FGF14: variants seen among roughly 807,000 people sequenced by gnomAD.
FGF14 encodes the protein fibroblast growth factor homologous factor 4.
In FGF14, 5 loss-of-function variants were observed where a neutral mutation model predicts 25.5. The observed-to-expected ratio is 0.20, with a 90% CI of 0.10 to 0.41. The LOEUF is 0.41. Among genes scored for constraint, FGF14 ranks in the 10% least tolerant of loss-of-function variants. The pLI is 1.00. For synonymous variants in FGF14, 138 were observed against 118.3 expected (o/e 1.17, Z -1.08); for missense variants, 222 against 320.1 (o/e 0.69, Z 2.34).
At chr13:101,766,759 A>G (rs12865549) in intron 3 of FGF14, among the ~76,000 whole-genome samples, 2 of 152,120 alleles carry the variant, frequency 1.3e-5, no homozygotes, top group Non-Finnish European at 2.9e-5. Context: ...TGGCATCCAT[A>G]TAAAAAGAGG....
intron 1 of FGF14, among the ~76,000 whole-genome samples, chr13:102,107,945 T>C (rs1168704069): frequency 6.6e-6 from 1 of 152,214 alleles, no homozygotes; most frequent in Non-Finnish European, 1.5e-5. Context: ...TTTAATCTCA[T>C]TTGGAAATTC....
chr13:102,344,926 G>A (rs933059709), intron 1 of FGF14, among the ~76,000 whole-genome samples: 2 of 152,206 alleles, frequency 1.3e-5, no homozygotes, highest in Non-Finnish European at 2.9e-5. Context: ...GAGAAGCTGT[G>A]GGAAACCACG....
chr13:101,814,467 A>C (rs982678336), intron 3 of FGF14, among the ~76,000 whole-genome samples: 4 of 152,238 alleles, frequency 2.6e-5, no homozygotes, highest in Non-Finnish European at 5.9e-5. Context: ...TAAGGGTAAA[A>C]TTCAATGAGT....
At chr13:102,110,284 CA>C (rs1232662183) in intron 1 of FGF14, among the ~76,000 whole-genome samples, 1 of 152,122 alleles carries the variant, frequency 6.6e-6, no homozygotes, top group Non-Finnish European at 1.5e-5. Flanking sequence ...TGTTTGCCAT[CA>C]GGGGTTGCTC....
At chr13:101,917,971 G>A (rs1463068332), upstream of FGF14, among the ~76,000 whole-genome samples, 1 of 152,166 alleles carries the variant, frequency 6.6e-6, no homozygotes, top group Non-Finnish European at 1.5e-5. Context: ...CAGGGACAGT[G>A]AAAAGCAGCC....
intron 1 of FGF14, chr13:102,401,428 G>T (rs370093928): frequency 1.9e-6 from 3 of 1,575,894 alleles, no homozygotes; most frequent in African/African-American, 1.3e-5. Flanking sequence ...CAACAGACAG[G>T]TTATTATGAG....
At chr13:101,880,292 G>T (rs1423626386) in intron 1 of FGF14, among the ~76,000 whole-genome samples, 1 of 152,112 alleles carries the variant, frequency 6.6e-6, no homozygotes. Flanking sequence ...AACAGGCCAG[G>T]CACAGTGGCT....
chr13:101,864,049 A>C lies in FGF14; in HGVS notation c.408+4676T>G, dbSNP rs184659578. On this transcript the variant is annotated intron_variant, in intron 3 of 4. Transcript: ENST00000376143. ...GAACACTATCTTATGTAGAGTGGAT[A>C]AGACTTTGATGATCTTGAAAATGCT... Among the ~76,000 whole-genome samples, 1,014 of 152,276 alleles carry C rather than the reference A, an allele frequency of 6.7e-3. 9 individuals are homozygous for C. Among genetic ancestry groups the C allele is most frequent in the South Asian group, 0.017 (81 of 4,830 alleles).
At chr13:101,858,986 C>T (rs1006259455) in intron 3 of FGF14, among the ~76,000 whole-genome samples, 9 of 152,056 alleles carry the variant, frequency 5.9e-5, no homozygotes, top group African/African-American at 2.2e-4. Context: ...AGAATGCAGC[C>T]GTTGAACATC....
chr13:102,040,344 C>T (rs1157340187), intron 1 of FGF14, among the ~76,000 whole-genome samples: 1 of 152,116 alleles, frequency 6.6e-6, no homozygotes. Flanking sequence ...TCTCTTACAT[C>T]TCCAGGTATA....
intron 1 of FGF14, among the ~76,000 whole-genome samples, chr13:102,040,664 G>T (rs1259415269): frequency 6.6e-6 from 1 of 152,136 alleles, no homozygotes; most frequent in Non-Finnish European, 1.5e-5. Flanking sequence ...TCCCAATTCT[G>T]CTTCCGTGTG....
chr13:101,726,056 C>T (rs755849077), intron 4 of FGF14, among the ~76,000 whole-genome samples: 1 of 151,792 alleles, frequency 6.6e-6, no homozygotes, highest in Non-Finnish European at 1.5e-5. Context: ...CAAATGTATA[C>T]AGTGAAGAAT....
intron 1 of FGF14, among the ~76,000 whole-genome samples, chr13:102,019,176 C>G (rs1828788335): frequency 6.6e-6 from 1 of 152,112 alleles, no homozygotes; most frequent in Admixed American, 6.6e-5. Flanking sequence ...CACATCCTAA[C>G]CATCCCAGAT....
At position 101,714,111 on chromosome 13, in the gene FGF14, A is replaced by T. The variant is rs907138179; in HGVS notation, c.*8720T>A. 2 of 215,592 alleles carry T rather than the reference A, an allele frequency of 9.3e-6. No individual in the cohort carries two copies. The highest frequency in any genetic ancestry group is 4.5e-5 in the African/African-American group (2 of 43,980). 13.4% of individuals were successfully genotyped at this position (215,592 alleles called of 1,614,324 possible). On this transcript the variant is annotated 3_prime_UTR_variant, in exon 5 of 5. Transcript: ENST00000376143. ...AAAACATGATTCAATTTAGGAGGAA[A>T]AAATCTATTTTTGAATACTTTTTTG... is the stretch of plus-strand genomic sequence containing the variant.
intron 1 of FGF14, among the ~76,000 whole-genome samples, chr13:102,077,814 T>C (rs916916927): frequency 7.2e-5 from 11 of 152,176 alleles, no homozygotes; most frequent in Non-Finnish European, 1.2e-4. Context: ...TAAATCACTA[T>C]GTCAAAGAGA....
intron 3 of FGF14, among the ~76,000 whole-genome samples, chr13:101,822,029 T>C (rs2042178665): frequency 6.6e-6 from 1 of 152,182 alleles, no homozygotes; most frequent in Non-Finnish European, 1.5e-5. Flanking sequence ...TGATCACTTA[T>C]TTTTTTAAGT....
chr13:102,262,081 G>A (rs188033808), intron 1 of FGF14, among the ~76,000 whole-genome samples: 91 of 152,284 alleles, frequency 6.0e-4, no homozygotes, highest in African/African-American at 2.2e-3. Flanking sequence ...AGATGTGAAT[G>A]TTATAAAGCA....
intron 1 of FGF14, among the ~76,000 whole-genome samples, chr13:102,150,051 G>A (rs1436071261): frequency 6.6e-6 from 1 of 152,146 alleles, no homozygotes; most frequent in Non-Finnish European, 1.5e-5. Context: ...TGTGAGTTGA[G>A]GGGAAAATGC....
intron 1 of FGF14, among the ~76,000 whole-genome samples, chr13:102,370,383 TAATAGA>T (rs2057842341): frequency 6.6e-6 from 1 of 152,184 alleles, no homozygotes; most frequent in African/African-American, 2.4e-5. Flanking sequence ...TATGGGTACA[TAATAGA>T]TACATACATA....
Sources: gnomAD v4.1 joint callset for allele counts (sites outside exome capture counted in the v4.1 genomes callset) on GRCh38, gnomAD v4.1.1 for gene constraint, MANE v1.5 for transcripts, NCBI Gene and HGNC (gene_info 2026-07-23, HGNC 2026-07-21) for gene names.